EPN2: variants seen among roughly 807,000 people sequenced by gnomAD.
EPN2 encodes the protein epsin 2, also known as epsin-2.
A neutral mutation model predicts 61.7 loss-of-function variants in EPN2; 34 were observed. That is an observed-to-expected ratio of 0.55 (90% CI 0.42 to 0.73). EPN2 has a LOEUF of 0.73. Ranked by LOEUF, EPN2 falls within the 30% of genes least tolerant of loss-of-function variation. The pLI is 0.00. For missense variants in EPN2, 714 were observed against 839.2 expected (o/e 0.85, Z 1.84); for synonymous variants, 349 against 353.6 (o/e 0.99, Z 0.15).
At chr17:19,333,873 C>G (rs907520008) in intron 10 of EPN2, 83 bp from the exon 11 acceptor site, 36 of 1,219,534 alleles carry the variant, frequency 3.0e-5, no homozygotes, top group Non-Finnish European at 3.8e-5. Context: ...GGGACCAGAA[C>G]ACCCGCATGC....
chr17:19,329,396 C>A, intron 8 of EPN2, 165 bp from the exon 9 acceptor site: 1 of 590,218 alleles, frequency 1.7e-6, no homozygotes, highest in Non-Finnish European at 3.0e-6. Context: ...TGCTGGTGAC[C>A]CCAGGCTGTC....
chr17:19,250,164 G>A (rs1250482930), intron 1 of EPN2, among the ~76,000 whole-genome samples: 3 of 151,082 alleles, frequency 2.0e-5, no homozygotes, highest in African/African-American at 4.9e-5. Context: ...TGCCTATCTC[G>A]GCGCACTGCA....
At chr17:19,257,765 G>A (rs1310885325) in intron 1 of EPN2, among the ~76,000 whole-genome samples, 7 of 152,070 alleles carry the variant, frequency 4.6e-5, no homozygotes, top group African/African-American at 9.7e-5. Context: ...TGATCCACCC[G>A]CCTTGGCCTC....
At chr17:19,331,002 T>C (rs1232376998) in intron 9 of EPN2, among the ~76,000 whole-genome samples, 2 of 152,156 alleles carry the variant, frequency 1.3e-5, no homozygotes, top group Non-Finnish European at 2.9e-5. Flanking sequence ...GTTTTGTTTT[T>C]TTGTTTTGTT....
intron 4 of EPN2, among the ~76,000 whole-genome samples, chr17:19,301,074 G>C (rs952160391): frequency 1.3e-5 from 2 of 152,220 alleles, no homozygotes; most frequent in African/African-American, 4.8e-5. Context: ...GCAAAGGCTC[G>C]AGGCAGGAAG....
chr17:19,280,066 T>G (rs2045346036), intron 1 of EPN2: 1 of 152,104 alleles, frequency 6.6e-6, no homozygotes, highest in Admixed American at 6.6e-5. Context: ...CTTGAACTCC[T>G]GAGCTCAGGC....
chr17:19,284,587 A>G (rs1162643716), intron 3 of EPN2, among the ~76,000 whole-genome samples: 2 of 152,240 alleles, frequency 1.3e-5, no homozygotes, highest in African/African-American at 4.8e-5. Flanking sequence ...CTGGCTGCTA[A>G]AACAAAAGTG....
Position 19,329,568 on chromosome 17 carries a change from T to C in EPN2, c.1332T>C (p.Phe444=). Reference sequence around the variant, plus strand: ...GCTTCTGTGTCCACCCAGGGTCCTTTGAGCTCTTCAGTAATCTGAATGGTA... The same window carrying C: ...GCTTCTGTGTCCACCCAGGGTCCTTCGAGCTCTTCAGTAATCTGAATGGTA... ...TTKPVSVSGS[F]ELFSNLNGTI... Residue 444 remains phenylalanine, a synonymous_variant, in exon 9 of 11, where the codon TTT becomes TTC. Coordinates refer to ENST00000314728, the MANE Select transcript of EPN2 (RefSeq NM_014964.5). 1 of 1,610,716 alleles carries C rather than the reference T, an allele frequency of 6.2e-7. No individual in the cohort carries two copies. The highest frequency in any genetic ancestry group is 2.2e-5 in the East Asian group (1 of 44,846).
intron 2 of EPN2, chr17:19,282,595 C>T (rs1183762405): frequency 6.5e-6 from 1 of 153,190 alleles, no homozygotes; most frequent in African/African-American, 2.4e-5. Flanking sequence ...TATCTGGTCT[C>T]ACATGTAATT....
At chr17:19,270,673 A>G (rs2045243774) in intron 1 of EPN2, among the ~76,000 whole-genome samples, 1 of 152,212 alleles carries the variant, frequency 6.6e-6, no homozygotes, top group African/African-American at 2.4e-5. Context: ...GGCTCAGGAA[A>G]GCTCAGCTTG....
intron 4 of EPN2, among the ~76,000 whole-genome samples, chr17:19,293,527 T>C (rs1057072183): frequency 7.3e-6 from 1 of 136,534 alleles, no homozygotes; most frequent in African/African-American, 2.7e-5. Context: ...CATGCCACCA[T>C]ACCCAGCTTT....
At chr17:19,319,882 G>A (rs905553226) in intron 7 of EPN2, among the ~76,000 whole-genome samples, 6 of 152,200 alleles carry the variant, frequency 3.9e-5, no homozygotes, top group Non-Finnish European at 8.8e-5. Context: ...TCCTGACCTT[G>A]ATCCACCCGC....
chr17:19,262,482 A>AAAAAC (rs1402257115), intron 1 of EPN2, among the ~76,000 whole-genome samples: 4 of 152,226 alleles, frequency 2.6e-5, no homozygotes, highest in African/African-American at 4.8e-5. Context: ...ACTCCATCTC[A>AAAAAC]AAAACAAAAC....
At chr17:19,310,457 C>T (rs1266230696) in intron 5 of EPN2, among the ~76,000 whole-genome samples, 3 of 152,020 alleles carry the variant, frequency 2.0e-5, no homozygotes, top group Admixed American at 6.5e-5. Flanking sequence ...AAAATGCTCC[C>T]GAAATGAGAG....
At chr17:19,267,389 A>T (rs746609334) in intron 1 of EPN2, among the ~76,000 whole-genome samples, 1 of 152,180 alleles carries the variant, frequency 6.6e-6, no homozygotes, top group East Asian at 1.9e-4. Flanking sequence ...ATTTAATGCT[A>T]TGTGAATTAT....
intron 7 of EPN2, among the ~76,000 whole-genome samples, chr17:19,319,451 C>T (rs891451651): frequency 2.6e-5 from 4 of 151,166 alleles, no homozygotes; most frequent in Admixed American, 2.6e-4. Flanking sequence ...CAGCCTCAGC[C>T]TCCCAAGTAG....
intron 1 of EPN2, among the ~76,000 whole-genome samples, chr17:19,246,582 A>G (rs935807051): frequency 1.3e-5 from 2 of 151,982 alleles, no homozygotes; most frequent in Non-Finnish European, 2.9e-5. Flanking sequence ...GAGGCCCTGG[A>G]GGCTTGGACT....
At position 19,332,078 on chromosome 17, in the gene EPN2, C is replaced by G. The variant is rs371161205; in HGVS notation, c.1627+10C>G. The G allele has an allele frequency of 1.3e-6, 2 of 1,598,318 alleles. No individual in the cohort carries two copies. Among genetic ancestry groups the G allele is most frequent in the Non-Finnish European group, 1.7e-6 (2 of 1,173,346 alleles). ...CCTTTCCTGGCACCAGGTAGGCTCT[C>G]ATCCCAGGCTTCATCCATTGCCTGC... On this transcript the variant is annotated intron_variant, in intron 10 of 10. Transcript: ENST00000314728.
chr17:19,243,672 C>T (rs1310838563), intron 1 of EPN2, among the ~76,000 whole-genome samples: 2 of 152,004 alleles, frequency 1.3e-5, no homozygotes, highest in Non-Finnish European at 2.9e-5. Flanking sequence ...GGATTACAGG[C>T]ATGAGCCACT....
Sources: allele counts gnomAD v4.1 joint callset (sites outside exome capture counted in the v4.1 genomes callset), GRCh38; gene constraint gnomAD v4.1.1; transcripts MANE v1.5; gene names NCBI Gene and HGNC (gene_info 2026-07-23, HGNC 2026-07-21).